The following SLC22A23 variants were observed in gnomAD, a reference collection of about 807,000 sequenced individuals.
SLC22A23 encodes ion transporter protein.
Under a neutral mutation model 61.0 loss-of-function variants are expected in SLC22A23, and 26 were observed. That is an observed-to-expected ratio of 0.43 (90% confidence interval 0.31 to 0.59). SLC22A23 has a LOEUF of 0.59. SLC22A23 is among the 20% of genes least tolerant of loss of function. The pLI is 0.11. For missense variants in SLC22A23, 796 were observed against 934.7 expected, an observed-to-expected ratio of 0.85 and a Z score of 1.94; for synonymous variants, 430 against 413.9, an observed-to-expected ratio of 1.04 and a Z score of -0.47.
At position 3,454,095 on chromosome 6, in the gene SLC22A23, A is replaced by G. The variant is rs770741237; in HGVS notation, c.654+1811T>C. ...ATATGTCCTTTCTAGGCTTTACTGT[A>G]TAAGAAAATGTGTGTCTAATTATTG... On this transcript the variant is annotated intron_variant, in intron 1 of 9. Transcript: ENST00000406686. This position sits in a 1 kb window ranked among gnomAD's most constrained non-coding sequence, Gnocchi z 4.3. 2.6e-5 allele frequency among the ~76,000 whole-genome samples: 4 copies of G among 152,162 alleles called. No individual in the cohort carries two copies. Among genetic ancestry groups the G allele is most frequent in the Non-Finnish European group, 2.9e-5 (2 of 68,030 alleles).
chr6:3,447,370 T>C (rs983877762), intron 1 of SLC22A23, among the ~76,000 whole-genome samples: 11 of 152,186 alleles, frequency 7.2e-5, no homozygotes, highest in Admixed American at 4.6e-4. Context: ...TTCTAGTCTC[T>C]CAATTCCCTT....
At chr6:3,392,003 G>A (rs1037832508) in intron 3 of SLC22A23, among the ~76,000 whole-genome samples, 1 of 151,932 alleles carries the variant, frequency 6.6e-6, no homozygotes, top group Non-Finnish European at 1.5e-5. Flanking sequence ...ATGGACTGCA[G>A]TAGCATTTGG....
At position 3,269,535 on chromosome 6, in the gene SLC22A23, A is replaced by G. The variant is rs748942451; in HGVS notation, c.*3520T>C. 1 of 152,868 alleles carries G rather than the reference A, an allele frequency of 6.5e-6. No individual in the cohort carries two copies. 9.5% of individuals were successfully genotyped at this position (152,868 alleles called of 1,614,324 possible). A position where few individuals can be genotyped will look rare whatever the true frequency, so the allele number is the denominator to read the frequency against. On this transcript the variant is annotated 3_prime_UTR_variant, in exon 10 of 10. Transcript: ENST00000406686. ...CCAAAGGTACAACAGATGCGACACC[A>G]TGCAGACACGCAGCTGTGAACGACA... is the stretch of plus-strand genomic sequence containing the variant.
At chr6:3,397,589 T>G (rs777081144) in intron 3 of SLC22A23, among the ~76,000 whole-genome samples, 19 of 152,366 alleles carry the variant, frequency 1.2e-4, no homozygotes, top group Non-Finnish European at 2.2e-4. Flanking sequence ...TTTGTGTATA[T>G]GTACATATGT....
At chr6:3,429,120 C>T (rs1481744443) in intron 1 of SLC22A23, among the ~76,000 whole-genome samples, 1 of 152,110 alleles carries the variant, frequency 6.6e-6, no homozygotes, top group Non-Finnish European at 1.5e-5. Context: ...AAAATTATAA[C>T]ACGTGGAAAT....
At chr6:3,274,704 C>A (rs568176681) in intron 9 of SLC22A23, among the ~76,000 whole-genome samples, 2 of 152,168 alleles carry the variant, frequency 1.3e-5, no homozygotes, top group Non-Finnish European at 2.9e-5. Context: ...TATATGTCTA[C>A]GTGCTAGCAA....
At chr6:3,340,125 C>T (rs1324787245) in intron 3 of SLC22A23, among the ~76,000 whole-genome samples, 1 of 152,102 alleles carries the variant, frequency 6.6e-6, no homozygotes, top group Non-Finnish European at 1.5e-5. Flanking sequence ...GCGGTATTAT[C>T]CAGGAGGGAT....
Position 3,272,309 on chromosome 6 carries a change from T to A in SLC22A23, c.*746A>T, listed in dbSNP as rs534928567. 1 of 152,908 alleles carries A rather than the reference T, an allele frequency of 6.5e-6. No homozygotes were observed. Among genetic ancestry groups the A allele is most frequent in the Admixed American group, 6.5e-5 (1 of 15,296 alleles). 9.5% of individuals were successfully genotyped at this position (152,908 alleles called of 1,614,324 possible). On this transcript the variant is annotated 3_prime_UTR_variant, in exon 10 of 10. Coordinates refer to ENST00000406686, the MANE Select transcript of SLC22A23 (RefSeq NM_015482.2). ...CTCAGGTCTCGACGCATCTGTTAGC[T>A]GTGTACTCACAAAGCTGTGGCGATA...
At chr6:3,392,099 T>C (rs772662065) in intron 3 of SLC22A23, among the ~76,000 whole-genome samples, 18 of 152,322 alleles carry the variant, frequency 1.2e-4, no homozygotes, top group African/African-American at 2.9e-4. Flanking sequence ...TACAGGCTCA[T>C]AGCTGTACAA....
intron 4 of SLC22A23, among the ~76,000 whole-genome samples, chr6:3,321,632 A>G (rs878985944): frequency 6.6e-6 from 1 of 151,876 alleles, no homozygotes; most frequent in Admixed American, 6.5e-5. Flanking sequence ...TCAGCCCTGC[A>G]TAACTGGAGT....
chr6:3,302,142 A>G (rs901900700), intron 4 of SLC22A23, among the ~76,000 whole-genome samples: 3 of 152,058 alleles, frequency 2.0e-5, no homozygotes, highest in Non-Finnish European at 2.9e-5. Flanking sequence ...CAGCCTTTCT[A>G]TTTCCTCTTG....
intron 4 of SLC22A23, chr6:3,312,550 A>G (rs1762421281): frequency 6.6e-6 from 1 of 152,136 alleles, no homozygotes; most frequent in Non-Finnish European, 1.5e-5. Flanking sequence ...ACAAGTCGCG[A>G]CACCTTAGCC....
rs540487169 is a variant in SLC22A23 at position 3,329,218 on chromosome 6, A to G, written c.914-5216T>C. On this transcript the variant is annotated intron_variant, in intron 3 of 9. Transcript: ENST00000406686. This position sits in a 1 kb window ranked among gnomAD's most constrained non-coding sequence, Gnocchi z 4.8. Reference sequence around the variant, plus strand: ...ATCTAACTGTTCATTGGATTCAGTGATTATAAATAAAATTTTAAAAACCTT... The same window carrying G: ...ATCTAACTGTTCATTGGATTCAGTGGTTATAAATAAAATTTTAAAAACCTT... Among the ~76,000 whole-genome samples the G allele has an allele frequency of 6.6e-6, 1 of 151,972 alleles. No individual in the cohort carries two copies. Among genetic ancestry groups the G allele is most frequent in the Non-Finnish European group, 1.5e-5 (1 of 68,030 alleles).
At chr6:3,446,690 G>A (rs9502006) in intron 1 of SLC22A23, among the ~76,000 whole-genome samples, 101,736 of 152,096 alleles carry the variant, frequency 0.67, 34,164 homozygotes, top group South Asian at 0.76. Flanking sequence ...AACAGGCCCA[G>A]TTTCCTCCAG....
At chr6:3,357,360 G>A (rs567914134) in intron 3 of SLC22A23, among the ~76,000 whole-genome samples, 1 of 152,174 alleles carries the variant, frequency 6.6e-6, no homozygotes, top group Non-Finnish European at 1.5e-5. Flanking sequence ...AAATGGGGTT[G>A]TGGCTCAGCA....
intron 3 of SLC22A23, among the ~76,000 whole-genome samples, chr6:3,352,978 G>C (rs905443980): frequency 1.3e-5 from 2 of 152,112 alleles, no homozygotes; most frequent in Admixed American, 1.3e-4. Context: ...CTGAGGAACA[G>C]GGTCAAAATA....
At chr6:3,378,659 T>TTC (rs1554147685) in intron 3 of SLC22A23, among the ~76,000 whole-genome samples, 1 of 121,790 alleles carries the variant, frequency 8.2e-6, no homozygotes, top group Non-Finnish European at 1.6e-5. Flanking sequence ...TCTTTTTTCT[T>TTC]TTTTTTTTTT....
intron 9 of SLC22A23, among the ~76,000 whole-genome samples, chr6:3,280,292 C>G (rs1378018369): frequency 1.3e-5 from 2 of 152,120 alleles, no homozygotes; most frequent in African/African-American, 2.4e-5. Context: ...CAAGGCCACA[C>G]AGGGAGGCGG....
At position 3,299,380 on chromosome 6, in the gene SLC22A23, G is replaced by A. The variant is rs1432549298; in HGVS notation, c.1083-1162C>T. Among the ~76,000 whole-genome samples the A allele has an allele frequency of 2.6e-5, 4 of 152,192 alleles. No homozygotes were observed. In the East Asian group the frequency reaches 7.7e-4, roughly 29 times the overall value. ...GCAGTTATTTTCAGTTTCGGAACCT[G>A]AAGGCTCACTGTCCCGGGGTTTCCT... On this transcript the variant is annotated intron_variant, in intron 4 of 9. Transcript: ENST00000406686.
Sources: allele counts gnomAD v4.1 joint callset (sites outside exome capture counted in the v4.1 genomes callset), GRCh38; gene constraint gnomAD v4.1.1; non-coding constraint Gnocchi (gnomAD v3.1); transcripts MANE v1.5; gene names NCBI Gene and HGNC (gene_info 2026-07-23, HGNC 2026-07-21).